Variants in KALRN observed in about 807,000 individuals in gnomAD.
The protein encoded by KALRN is kalirin RhoGEF kinase.
In KALRN, 70 loss-of-function variants were observed where a neutral mutation model predicts 353.7. The ratio of observed to expected loss-of-function variants is 0.20; its 90% confidence interval spans 0.16 to 0.24. The LOEUF is 0.24. KALRN is among the 10% of genes least tolerant of loss of function. KALRN has a pLI of 1.00. For synonymous variants in KALRN, 1,391 were observed against 1,434.8 expected (o/e 0.97, Z 0.69); for missense variants, 2,791 against 3,756.7 (o/e 0.74, Z 6.72).
intron 34 of KALRN, among the ~76,000 whole-genome samples, chr3:124,629,838 C>G (rs1489763592): frequency 6.7e-6 from 1 of 150,370 alleles, no homozygotes; most frequent in African/African-American, 2.4e-5. Context: ...CTGCTTCTCT[C>G]TATTGTGTAT....
intron 13 of KALRN, among the ~76,000 whole-genome samples, chr3:124,405,024 T>A (rs1487950668): frequency 6.6e-6 from 1 of 151,350 alleles, no homozygotes; most frequent in Non-Finnish European, 1.5e-5. Flanking sequence ...TTCCTAGTGA[T>A]CACTGTCACA....
At chr3:124,226,138 T>C (rs911987758) in intron 1 of KALRN, among the ~76,000 whole-genome samples, 1 of 152,182 alleles carries the variant, frequency 6.6e-6, no homozygotes, top group Non-Finnish European at 1.5e-5. Context: ...AGATCCTTGA[T>C]CCTTGTCTAA....
At chr3:124,298,988 C>G in intron 6 of KALRN, 75 bp downstream of exon 6, 3 of 1,576,090 alleles carry the variant, frequency 1.9e-6, no homozygotes, top group Non-Finnish European at 1.7e-6. Flanking sequence ...GGGACAGAAA[C>G]AGACTTTCCA....
At chr3:124,466,969 G>A (rs2107801203) in intron 25 of KALRN, among the ~76,000 whole-genome samples, 1 of 152,312 alleles carries the variant, frequency 6.6e-6, no homozygotes, top group Non-Finnish European at 1.5e-5. Context: ...ACAATTACCT[G>A]AAATAAATCA....
At chr3:124,104,225 T>C (rs1024097970) in intron 1 of KALRN, among the ~76,000 whole-genome samples, 4 of 152,238 alleles carry the variant, frequency 2.6e-5, no homozygotes, top group Non-Finnish European at 5.9e-5. Flanking sequence ...GAAATGTTCA[T>C]GTATTCAACA....
intron 1 of KALRN, among the ~76,000 whole-genome samples, chr3:124,049,143 C>G (rs997827411): frequency 6.6e-6 from 1 of 152,112 alleles, no homozygotes; most frequent in Non-Finnish European, 1.5e-5. Flanking sequence ...TTTCAGTGTG[C>G]CTTAGGAGCC....
chr3:124,113,731 G>T (rs2063206079), intron 1 of KALRN, among the ~76,000 whole-genome samples: 1 of 152,234 alleles, frequency 6.6e-6, no homozygotes, highest in Admixed American at 6.5e-5. Context: ...TCTCCTGCTG[G>T]CTCAGCCTGC....
intron 33 of KALRN, among the ~76,000 whole-genome samples, chr3:124,543,725 G>A (rs568833883): frequency 4.7e-4 from 71 of 151,836 alleles, no homozygotes; most frequent in Middle Eastern, 3.4e-3. Context: ...ATTCTCATTC[G>A]GCAGTAATTA....
chr3:124,049,649 G>A (rs553074557), intron 1 of KALRN, among the ~76,000 whole-genome samples: 1 of 152,268 alleles, frequency 6.6e-6, no homozygotes, highest in African/African-American at 2.4e-5. Context: ...ATTTTTTCAT[G>A]TCTGGTAGGA....
intron 39 of KALRN, among the ~76,000 whole-genome samples, chr3:124,656,328 C>T (rs2084017447): frequency 6.6e-6 from 1 of 152,030 alleles, no homozygotes; most frequent in Non-Finnish European, 1.5e-5. Flanking sequence ...TAAAAGTTCT[C>T]GGCCGGGTGC....
At chr3:124,715,038 G>A (rs1244621135) in intron 58 of KALRN, among the ~76,000 whole-genome samples, 1 of 151,548 alleles carries the variant, frequency 6.6e-6, no homozygotes, top group Non-Finnish European at 1.5e-5. Flanking sequence ...AAAAAATAGG[G>A]GGAAAAGATA....
At chr3:124,115,575 C>G (rs180804926) in intron 1 of KALRN, among the ~76,000 whole-genome samples, 3 of 152,150 alleles carry the variant, frequency 2.0e-5, no homozygotes, top group African/African-American at 7.2e-5. Context: ...TGCCACTGTC[C>G]GAGCCCTGCT....
intron 33 of KALRN, among the ~76,000 whole-genome samples, chr3:124,551,644 G>T (rs1470530251): frequency 6.6e-6 from 1 of 152,232 alleles, no homozygotes; most frequent in African/African-American, 2.4e-5. Flanking sequence ...CACAACCACA[G>T]CAGTAGCAAG....
chr3:124,614,572 T>C (rs2078358486), intron 34 of KALRN, among the ~76,000 whole-genome samples: 1 of 151,080 alleles, frequency 6.6e-6, no homozygotes, highest in African/African-American at 2.4e-5. Flanking sequence ...TTTCTTTTTT[T>C]TTTTTTCAGA....
intron 5 of KALRN, among the ~76,000 whole-genome samples, chr3:124,290,910 A>G (rs796731378): frequency 5.3e-5 from 8 of 152,344 alleles, no homozygotes; most frequent in African/African-American, 1.9e-4. Context: ...AGGGAAGAGG[A>G]AGAAAAAGAA....
chr3:124,589,131 T>C (rs1183938004), intron 34 of KALRN, among the ~76,000 whole-genome samples: 1 of 152,224 alleles, frequency 6.6e-6, no homozygotes, highest in South Asian at 2.1e-4. Context: ...CTTTGTCTTA[T>C]CCTACTTTGT....
chr3:124,397,789 T>C (rs958879042), intron 12 of KALRN, among the ~76,000 whole-genome samples: 14 of 152,214 alleles, frequency 9.2e-5, no homozygotes, highest in African/African-American at 3.1e-4. Context: ...TGACTGTGTT[T>C]CTCCATTTCT....
chr3:124,406,126 CTG>C (rs2091514329), intron 13 of KALRN, among the ~76,000 whole-genome samples: 2 of 152,198 alleles, frequency 1.3e-5, no homozygotes, highest in Non-Finnish European at 2.9e-5. Flanking sequence ...TAAAAACTGA[CTG>C]GATTTCATTA....
intron 38 of KALRN, among the ~76,000 whole-genome samples, chr3:124,653,409 A>G (rs2083634698): frequency 6.6e-6 from 1 of 152,224 alleles, no homozygotes; most frequent in Non-Finnish European, 1.5e-5. Context: ...TAAGACAAAT[A>G]ATAACAACAT....
Sources: allele counts gnomAD v4.1 joint callset (sites outside exome capture counted in the v4.1 genomes callset), GRCh38; gene constraint gnomAD v4.1.1; transcripts MANE v1.5; gene names NCBI Gene and HGNC (gene_info 2026-07-23, HGNC 2026-07-21).